The following ARHGAP12 variants were observed in gnomAD, a reference collection of about 807,000 sequenced individuals.
The protein encoded by ARHGAP12 is rho GTPase-activating protein 12.
A neutral mutation model predicts 108.6 loss-of-function variants in ARHGAP12; 64 were observed. The ratio of observed to expected loss-of-function variants is 0.59; its 90% CI spans 0.48 to 0.73. ARHGAP12 has a LOEUF of 0.73. Among genes scored for constraint, ARHGAP12 ranks in the 30% least tolerant of loss-of-function variants. ARHGAP12 has a pLI of 0.00. For missense variants in ARHGAP12, 940 were observed against 1,005.9 expected (o/e 0.93, Z 0.89); for synonymous variants, 312 against 337.2 (o/e 0.93, Z 0.82).
chr10:31,849,086 T>C (rs958546359), intron 6 of ARHGAP12, among the ~76,000 whole-genome samples: 5 of 152,088 alleles, frequency 3.3e-5, no homozygotes, highest in Admixed American at 2.6e-4. Flanking sequence ...ATTACTTTCA[T>C]CTGGAGTGAA....
At chr10:31,919,442 T>C (rs917221302) in intron 1 of ARHGAP12, among the ~76,000 whole-genome samples, 2 of 152,250 alleles carry the variant, frequency 1.3e-5, no homozygotes, top group Admixed American at 1.3e-4. Context: ...TATACCCATC[T>C]ACTCAAAAGC....
At chr10:31,828,695 AT>A (rs538757106) in intron 10 of ARHGAP12, among the ~76,000 whole-genome samples, 130 of 151,432 alleles carry the variant, frequency 8.6e-4, no homozygotes, top group African/African-American at 2.8e-3. Flanking sequence ...AATTAGTCAC[AT>A]TTTTTTTTCC....
intron 3 of ARHGAP12, among the ~76,000 whole-genome samples, chr10:31,871,571 A>G (rs1465597587): frequency 6.6e-6 from 1 of 152,178 alleles, no homozygotes; most frequent in African/African-American, 2.4e-5. Context: ...AGACAATAAT[A>G]AAGCAGGTAC....
intron 11 of ARHGAP12, among the ~76,000 whole-genome samples, chr10:31,822,366 C>A (rs1352124188): frequency 6.6e-6 from 1 of 152,124 alleles, no homozygotes. Context: ...GGCAGAAGGA[C>A]TTGATGGAAA....
chr10:31,811,606 T>C (rs553717679), intron 15 of ARHGAP12, among the ~76,000 whole-genome samples: 175 of 150,128 alleles, frequency 1.2e-3, no homozygotes, highest in African/African-American at 4.3e-3. Flanking sequence ...AAATGCTTTA[T>C]TGGAGAGTAC....
intron 4 of ARHGAP12, 65 bp from the exon 5 acceptor site, chr10:31,854,271 C>A: frequency 1.4e-6 from 2 of 1,382,546 alleles, no homozygotes; most frequent in South Asian, 1.4e-5. Context: ...GGTTGAAAAT[C>A]TAATAAATAA....
chr10:31,833,159 C>T (rs866950150), intron 9 of ARHGAP12, among the ~76,000 whole-genome samples: 34 of 151,850 alleles, frequency 2.2e-4, no homozygotes, highest in African/African-American at 7.2e-4. Flanking sequence ...TTTAATTTGC[C>T]GCCTGCACCC....
chr10:31,911,236 C>T (rs1350973322), intron 1 of ARHGAP12, among the ~76,000 whole-genome samples: 1 of 152,098 alleles, frequency 6.6e-6, no homozygotes, highest in Non-Finnish European at 1.5e-5. Flanking sequence ...GTTGGCCAGG[C>T]TGGTCTCGAA....
chr10:31,921,943 A>C (rs534870628), intron 1 of ARHGAP12, among the ~76,000 whole-genome samples: 3 of 151,916 alleles, frequency 2.0e-5, no homozygotes, highest in Non-Finnish European at 4.4e-5. Flanking sequence ...TAATCCCAGC[A>C]CTTTGGGAAG....
At chr10:31,909,626 T>A (rs1014645602) in intron 2 of ARHGAP12, among the ~76,000 whole-genome samples, 1 of 152,200 alleles carries the variant, frequency 6.6e-6, no homozygotes, top group Non-Finnish European at 1.5e-5. Flanking sequence ...AAGGGCACAG[T>A]GGCTTACACC....
At chr10:31,927,338 A>T (rs887613307) in intron 1 of ARHGAP12, among the ~76,000 whole-genome samples, 18 of 152,198 alleles carry the variant, frequency 1.2e-4, no homozygotes, top group African/African-American at 4.3e-4. Flanking sequence ...GGGCAAGTAC[A>T]CACACATCTA....
chr10:31,881,983 C>G (rs988812967), intron 3 of ARHGAP12, among the ~76,000 whole-genome samples: 2 of 147,860 alleles, frequency 1.4e-5, no homozygotes, highest in Non-Finnish European at 3.0e-5. Context: ...GGCTGGATCT[C>G]GGCTCACTGC....
chr10:31,862,005 C>G (rs1193960163), intron 3 of ARHGAP12, among the ~76,000 whole-genome samples: 1 of 152,120 alleles, frequency 6.6e-6, no homozygotes, highest in Non-Finnish European at 1.5e-5. Context: ...TTTTTTATCT[C>G]AAGAAATGAG....
At chr10:31,815,602 A>G (rs12269211) in intron 13 of ARHGAP12, among the ~76,000 whole-genome samples, 7,631 of 152,294 alleles carry the variant, frequency 0.05, 635 homozygotes, top group African/African-American at 0.17. Flanking sequence ...AAGTTCTACC[A>G]GAAAAACTAC....
chr10:31,916,422 A>G (rs1238495076), intron 1 of ARHGAP12, among the ~76,000 whole-genome samples: 9 of 152,058 alleles, frequency 5.9e-5, no homozygotes, highest in Admixed American at 3.9e-4. Flanking sequence ...GCTATTTTTT[A>G]ATCTAAAAGC....
intron 3 of ARHGAP12, among the ~76,000 whole-genome samples, chr10:31,865,284 G>A (rs1837281667): frequency 6.6e-6 from 1 of 152,136 alleles, no homozygotes. Context: ...GACAGAAGAT[G>A]AAGAGAGCTG....
chr10:31,917,467 G>A (rs1053428703), intron 1 of ARHGAP12, among the ~76,000 whole-genome samples: 6 of 152,046 alleles, frequency 3.9e-5, no homozygotes, highest in South Asian at 2.1e-4. Context: ...TGAAACTTTC[G>A]ATCTCCTAAC....
intron 4 of ARHGAP12, among the ~76,000 whole-genome samples, chr10:31,854,975 AAAG>A (rs1246151390): frequency 2.1e-5 from 3 of 143,730 alleles, no homozygotes; most frequent in Non-Finnish European, 4.5e-5. Context: ...TTTTTATTCA[AAAG>A]AAGAACAAGG....
chr10:31,821,957 C>T (rs905386523), intron 11 of ARHGAP12, among the ~76,000 whole-genome samples: 4 of 151,932 alleles, frequency 2.6e-5, no homozygotes, highest in Non-Finnish European at 5.9e-5. Flanking sequence ...TGACAAAAAT[C>T]AATTATTTAA....
Sources: allele counts gnomAD v4.1 joint callset (sites outside exome capture counted in the v4.1 genomes callset), GRCh38; gene constraint gnomAD v4.1.1; transcripts MANE v1.5; gene names NCBI Gene and HGNC (gene_info 2026-07-23, HGNC 2026-07-21).